Variants in KIAA1217 observed in about 807,000 individuals in gnomAD.
KIAA1217 encodes KIAA1217.
Under a neutral mutation model 163.9 loss-of-function variants are expected in KIAA1217, and 88 were observed. That is an observed-to-expected ratio of 0.54 (90% CI 0.45 to 0.64). KIAA1217 has a LOEUF of 0.64. Among genes scored for constraint, KIAA1217 ranks in the 30% least tolerant of loss-of-function variants. The probability of loss-of-function intolerance (pLI) is 0.00; values close to 1 mark genes in which losing one functional copy is unlikely to be tolerated. For missense variants in KIAA1217, 2,372 were observed against 2,475.0 expected (o/e 0.96, Z 0.88); for synonymous variants, 903 against 923.1 (o/e 0.98, Z 0.39).
chr10:24,466,896 T>C, intron 5 of KIAA1217: 1 of 625,644 alleles, frequency 1.6e-6, no homozygotes, highest in African/African-American at 2.0e-5. Context: ...TGTTTACAAA[T>C]TCTAGACTTG....
At chr10:23,971,121 G>A (rs573586718) in intron 1 of KIAA1217, among the ~76,000 whole-genome samples, 4 of 152,190 alleles carry the variant, frequency 2.6e-5, no homozygotes, top group Non-Finnish European at 4.4e-5. Context: ...TCTTCCCTTG[G>A]GGTTGTTTTC....
intron 1 of KIAA1217, among the ~76,000 whole-genome samples, chr10:23,793,225 G>A (rs1836041280): frequency 6.6e-6 from 1 of 152,154 alleles, no homozygotes. Flanking sequence ...TTGTCTCACT[G>A]TGGTCACAAG....
At chr10:23,829,575 A>T (rs563401118) in intron 1 of KIAA1217, among the ~76,000 whole-genome samples, 2 of 152,292 alleles carry the variant, frequency 1.3e-5, no homozygotes, top group South Asian at 4.1e-4. Context: ...AATTTTTTGC[A>T]TGACTCACTA....
intron 1 of KIAA1217, chr10:24,007,099 T>A (rs1847034527): frequency 6.6e-6 from 1 of 152,166 alleles, no homozygotes; most frequent in South Asian, 2.1e-4. Flanking sequence ...TGAGCCAGGC[T>A]GTATATCATA....
intron 5 of KIAA1217, chr10:24,466,559 T>A: frequency 1.0e-6 from 1 of 985,380 alleles, no homozygotes; most frequent in Non-Finnish European, 1.2e-6. Context: ...CTCCGAAAAC[T>A]GGGTAATACG....
At chr10:24,178,422 A>C (rs75877556) in intron 2 of KIAA1217, among the ~76,000 whole-genome samples, 2,103 of 152,332 alleles carry the variant, frequency 0.014, 53 homozygotes, top group African/African-American at 0.048. Flanking sequence ...AACATGGTGA[A>C]ACCAGGACAT....
intron 2 of KIAA1217, among the ~76,000 whole-genome samples, chr10:24,111,381 G>A (rs773237471): frequency 2.0e-5 from 3 of 151,966 alleles, no homozygotes; most frequent in South Asian, 4.2e-4. Context: ...GTTGAATAAC[G>A]CAATATTCTC....
chr10:24,170,784 G>C (rs939102419), intron 2 of KIAA1217, among the ~76,000 whole-genome samples: 1 of 152,158 alleles, frequency 6.6e-6, no homozygotes, highest in African/African-American at 2.4e-5. Context: ...AAGTCTACAT[G>C]GATTGAAATT....
At chr10:24,168,988 G>T (rs913045661) in intron 2 of KIAA1217, among the ~76,000 whole-genome samples, 2 of 152,216 alleles carry the variant, frequency 1.3e-5, no homozygotes, top group South Asian at 4.1e-4. Flanking sequence ...GGTCATTCAA[G>T]TGCATAATTC....
intron 3 of KIAA1217, among the ~76,000 whole-genome samples, chr10:24,401,260 G>C (rs1475867282): frequency 6.6e-6 from 1 of 151,688 alleles, no homozygotes; most frequent in Non-Finnish European, 1.5e-5. Flanking sequence ...CCTACTTTAA[G>C]ATAAACAAGA....
chr10:24,208,374 G>GGTGTGT (rs10539475), upstream of KIAA1217, among the ~76,000 whole-genome samples: 79 of 148,946 alleles, frequency 5.3e-4, no homozygotes, highest in Middle Eastern at 7.0e-3. Context: ...TTAAGGGCTG[G>GGTGTGT]GTGTGTGTGT....
intron 5 of KIAA1217, among the ~76,000 whole-genome samples, chr10:24,462,287 C>T (rs941357199): frequency 1.3e-5 from 2 of 152,028 alleles, no homozygotes; most frequent in Non-Finnish European, 2.9e-5. Flanking sequence ...TCATTCGAGC[C>T]GAAGCCCAGT....
At chr10:23,772,250 G>C (rs575778802) in intron 1 of KIAA1217, among the ~76,000 whole-genome samples, 3 of 152,250 alleles carry the variant, frequency 2.0e-5, no homozygotes, top group South Asian at 2.1e-4. Flanking sequence ...AACGTCCTTG[G>C]TTAGTACAAC....
At chr10:24,542,833 T>C in intron 18 of KIAA1217, 50 bp from the exon 19 acceptor site, 2 of 1,610,912 alleles carry the variant, frequency 1.2e-6, no homozygotes, top group Non-Finnish European at 1.7e-6. Flanking sequence ...CCTCTGCAGA[T>C]CCATTGCTGA....
intron 1 of KIAA1217, among the ~76,000 whole-genome samples, chr10:23,705,686 T>A (rs1175973810): frequency 6.6e-6 from 1 of 152,188 alleles, no homozygotes; most frequent in Non-Finnish European, 1.5e-5. Flanking sequence ...TTATTCAACT[T>A]TGTTCTTATT....
At chr10:24,180,280 C>CTT (rs34268461) in intron 2 of KIAA1217, among the ~76,000 whole-genome samples, 227 of 83,136 alleles carry the variant, frequency 2.7e-3, no homozygotes, top group East Asian at 5.7e-3. Context: ...CCTCAACCTT[C>CTT]TTTTTTTTTT....
rs905920673 is a variant in KIAA1217 at position 23,914,123 on chromosome 10, A to G, written c.-320-93102A>G. On this transcript the variant is annotated intron_variant, in intron 1 of 18. Coordinates refer to the KIAA1217 transcript ENST00000376462. ...CAAGTAAGACTGTCCAAGACAGGGG[A>G]TACAGAAGCCAAGATTGGAAGGATG... Among the ~76,000 whole-genome samples the G allele has an allele frequency of 3.9e-5, 6 of 152,248 alleles. No individual in the cohort carries two copies. In the South Asian group the frequency reaches 8.3e-4, roughly 21 times the overall value.
chr10:24,005,897 A>G (rs1846973462), intron 1 of KIAA1217, among the ~76,000 whole-genome samples: 2 of 152,140 alleles, frequency 1.3e-5, no homozygotes, highest in Non-Finnish European at 2.9e-5. Context: ...AACCTCGAAT[A>G]TAGATTAGCA....
chr10:24,095,875 A>G (rs2062139305), intron 2 of KIAA1217, among the ~76,000 whole-genome samples: 1 of 152,160 alleles, frequency 6.6e-6, no homozygotes, highest in South Asian at 2.1e-4. Flanking sequence ...GGAGGCCAAG[A>G]TGGTAGGATC....
Sources: allele counts gnomAD v4.1 joint callset (sites outside exome capture counted in the v4.1 genomes callset), GRCh38; gene constraint gnomAD v4.1.1; transcripts MANE v1.5; gene names NCBI Gene and HGNC (gene_info 2026-07-23, HGNC 2026-07-21).